Variants in MS4A15 observed in about 807,000 individuals in gnomAD.
MS4A15 encodes membrane-spanning 4-domains subfamily A member 15.
Under a neutral mutation model 20.6 loss-of-function variants are expected in MS4A15, and 22 were observed. The observed-to-expected ratio is 1.07, with a 90% CI of 0.76 to 1.52. MS4A15 has a LOEUF of 1.52. Among genes scored for constraint, MS4A15 ranks in the 40% most tolerant of loss-of-function variants. The pLI, the probability that MS4A15 is intolerant of heterozygous loss-of-function variation, is 0.00. For missense variants in MS4A15, 312 were observed against 323.0 expected (o/e 0.97, Z 0.26); for synonymous variants, 129 against 129.3 (o/e 1.00, Z 0.02).
intron 4 of MS4A15, among the ~76,000 whole-genome samples, chr11:60,772,108 G>A (rs1473710736): frequency 1.3e-5 from 2 of 152,130 alleles, no homozygotes; most frequent in African/African-American, 2.4e-5. Context: ...TGGAGTCCCT[G>A]AGCAGGTATC....
At chr11:60,759,127 G>A (rs1853664648) in intron 1 of MS4A15, among the ~76,000 whole-genome samples, 2 of 152,226 alleles carry the variant, frequency 1.3e-5, no homozygotes, top group Non-Finnish European at 2.9e-5. Context: ...AAGAAAGAGA[G>A]ATCAGACTGT....
In MS4A15 at chr11:60,776,016, G is replaced by A. The variant is rs1044747672; in HGVS notation, c.*301G>A. 3.7e-5 allele frequency: 9 copies of A among 241,344 alleles called. No homozygotes were observed. Among genetic ancestry groups the A allele is most frequent in the Non-Finnish European group, 6.5e-5 (8 of 123,722 alleles). 15.0% of individuals were successfully genotyped at this position (241,344 alleles called of 1,614,324 possible). ...CATCTAAGCATTTCTCTGCTCATTG[G>A]GGAAATCCTGGCCTCATTGGAGACT... On this transcript the variant is annotated 3_prime_UTR_variant, in exon 7 of 7. Coordinates refer to ENST00000405633, the MANE Select transcript of MS4A15 (RefSeq NM_001098835.2).
intron 4 of MS4A15, chr11:60,771,814 G>A: frequency 8.4e-7 from 1 of 1,190,390 alleles, no homozygotes; most frequent in Non-Finnish European, 1.1e-6. Context: ...CCATGATGGG[G>A]CTGGATTGTG....
At chr11:60,772,839 A>C (rs539421322) in intron 4 of MS4A15, among the ~76,000 whole-genome samples, 1 of 152,110 alleles carries the variant, frequency 6.6e-6, no homozygotes, top group South Asian at 2.1e-4. Flanking sequence ...CTCTCAGCCC[A>C]CCCAGACTTC....
chr11:60,776,644 G>C lies in MS4A15; in HGVS notation c.*929G>C, dbSNP rs1195262956. ...CGTCTCCAGGGGACAAGGAGACACT[G>C]TCAGCCTGGTGTTCACCAGGCCTGG... On this transcript the variant is annotated 3_prime_UTR_variant, in exon 7 of 7. Transcript: ENST00000405633. 1.3e-5 allele frequency: 2 copies of C among 152,272 alleles called. No individual in the cohort carries two copies. Among genetic ancestry groups the C allele is most frequent in the African/African-American group, 4.8e-5 (2 of 41,464 alleles). 9.4% of individuals were successfully genotyped at this position (152,272 alleles called of 1,614,324 possible).
Position 60,767,533 on chromosome 11 carries a change from A to G in MS4A15, c.226A>G (p.Thr76Ala), listed in dbSNP as rs1482692768. 1 of 1,521,122 alleles carries G rather than the reference A, an allele frequency of 6.6e-7. No homozygotes were observed. Among genetic ancestry groups the G allele is most frequent in the Non-Finnish European group, 8.9e-7 (1 of 1,129,288 alleles). The allele number at this position is 1,521,122 out of a possible 1,614,324, so 94.2% of individuals were successfully genotyped here. A position where few individuals can be genotyped will look rare whatever the true frequency, so the allele number is the denominator to read the frequency against. Residue 76 changes from threonine (T) to alanine (A), a missense_variant and splice_region_variant, in exon 3 of 7, where the codon ACG (threonine) becomes GCG (alanine). Transcript: ENST00000405633. ...CACTGAGCCTCGGGGCTTCCCGCAG[A>G]CGGTGCAGATCCTCATCGGCCTCAT... ...FLTGEPKVLG[T>A]VQILIGLIHL... is the part of the protein sequence containing the mutation.
In MS4A15 at chr11:60,761,964, G is replaced by A. The variant is rs180789855; in HGVS notation, c.-28-1742G>A. On this transcript the variant is annotated intron_variant, in intron 1 of 6. Transcript: ENST00000405633. ...ACCTATGTCATGATCTTAAAATGGC[G>A]TGCAGAATTTTGGCTGCCTGTAAAT... Among the ~76,000 whole-genome samples the A allele has an allele frequency of 3.0e-4, 45 of 152,220 alleles. No individual in the cohort carries two copies. The East Asian group carries it at 6.4e-3, about 22-fold the overall frequency.
At chr11:60,767,842 C>G (rs1360245210) in intron 3 of MS4A15, among the ~76,000 whole-genome samples, 187 bp downstream of exon 3, 2 of 152,200 alleles carry the variant, frequency 1.3e-5, no homozygotes, top group African/African-American at 2.4e-5. Flanking sequence ...AAACTTGAGC[C>G]TGACCCCACC....
intron 1 of MS4A15, among the ~76,000 whole-genome samples, chr11:60,762,959 T>G (rs1425217746): frequency 6.6e-6 from 1 of 152,144 alleles, no homozygotes; most frequent in Non-Finnish European, 1.5e-5. Context: ...CATAGGTGTC[T>G]CATGACCCTC....
chr11:60,774,062 G>A (rs578105689), intron 6 of MS4A15, 112 bp downstream of exon 6: 1 of 763,934 alleles, frequency 1.3e-6, no homozygotes, highest in East Asian at 2.6e-5. Context: ...TGCACTCTGG[G>A]AAGCAATAAG....
Position 60,767,577 on chromosome 11 carries a change from C to T in MS4A15, c.270C>T (p.Ser90=). The T allele has an allele frequency of 6.4e-7, 1 of 1,554,568 alleles. No individual in the cohort carries two copies. The highest frequency in any genetic ancestry group is 8.7e-7 in the Non-Finnish European group (1 of 1,148,398). The change falls in exon 3 of 7, where the codon AGC becomes AGT. Residue 90 remains serine (S), a synonymous_variant. Coordinates refer to ENST00000405633, the MANE Select transcript of MS4A15 (RefSeq NM_001098835.2). ...LIGLIHLGFG[S]VLLMVRRGHV... The stretch of plus-strand genomic sequence containing the variant: ...GCCTCATCCACCTAGGCTTTGGCAG[C>T]GTGCTGCTCATGGTTCGCCGCGGCC...
intron 6 of MS4A15, 57 bp from the exon 7 acceptor site, chr11:60,775,548 A>C: frequency 6.9e-7 from 1 of 1,441,422 alleles, no homozygotes; most frequent in Non-Finnish European, 9.7e-7. Context: ...GCACTATTGA[A>C]CCACTACCCT....
At chr11:60,768,595 C>T (rs540441445) in intron 3 of MS4A15, among the ~76,000 whole-genome samples, 1 of 152,310 alleles carries the variant, frequency 6.6e-6, no homozygotes, top group African/African-American at 2.4e-5. Context: ...AGCTTCACCG[C>T]ATGTTAAGAT....
intron 1 of MS4A15, among the ~76,000 whole-genome samples, chr11:60,760,060 C>T (rs1853697669): frequency 6.6e-6 from 1 of 152,220 alleles, no homozygotes. Flanking sequence ...CTCTTGTCTC[C>T]ACCTGACGAG....
intron 1 of MS4A15, 103 bp from the exon 2 acceptor site, chr11:60,763,603 C>T (rs549464091): frequency 1.7e-5 from 16 of 936,464 alleles, no homozygotes; most frequent in African/African-American, 1.1e-4. Context: ...TGGGGCCATA[C>T]TGGCAGGGCT....
chr11:60,764,030 T>C (rs973755249), intron 2 of MS4A15, 72 bp downstream of exon 2: 8 of 1,386,352 alleles, frequency 5.8e-6, no homozygotes, highest in Non-Finnish European at 4.9e-6. Flanking sequence ...CATGCATGTT[T>C]TGGAGAGGGG....
In MS4A15 at chr11:60,776,297, G is replaced by A. The variant is rs1854191943; in HGVS notation, c.*582G>A. The A allele has an allele frequency of 6.6e-6, 1 of 152,298 alleles. No individual in the cohort carries two copies. The highest frequency in any genetic ancestry group is 1.5e-5 in the Non-Finnish European group (1 of 68,124). 9.4% of individuals were successfully genotyped at this position (152,298 alleles called of 1,614,324 possible). A position where few individuals can be genotyped will look rare whatever the true frequency, so the allele number is the denominator to read the frequency against. ...TGTTGAACCAGATAAGGTTCATCAGGCCCTTCCAGCTCCCCAGGCTCCCTG... is the reference window on the plus strand; with the variant it reads ...TGTTGAACCAGATAAGGTTCATCAGACCCTTCCAGCTCCCCAGGCTCCCTG... On this transcript the variant is annotated 3_prime_UTR_variant, in exon 7 of 7. Coordinates refer to ENST00000405633, the MANE Select transcript of MS4A15 (RefSeq NM_001098835.2).
intron 1 of MS4A15, among the ~76,000 whole-genome samples, chr11:60,759,309 T>C (rs368833407): frequency 1.3e-5 from 2 of 152,374 alleles, no homozygotes; most frequent in African/African-American, 4.8e-5. Flanking sequence ...GTATGCAGGA[T>C]GTGCCTTGTT....
Position 60,773,489 on chromosome 11 carries a change from G to A in MS4A15, c.498+5G>A, listed in dbSNP as rs761313254. On this transcript the variant is annotated splice_donor_5th_base_variant and intron_variant, in intron 5 of 6. Coordinates refer to ENST00000405633, the MANE Select transcript of MS4A15 (RefSeq NM_001098835.2). ...GATTTTGGTGTTACCAACCGGGTGC[G>A]TTGTCAGATGGCCCTCGGGGTGGGA... 46 of 1,612,850 alleles carry A rather than the reference G, an allele frequency of 2.9e-5. No individual in the cohort carries two copies. Among genetic ancestry groups the A allele is most frequent in the Admixed American group, 1.2e-4 (7 of 59,992 alleles).
Sources: gnomAD v4.1 joint callset for allele counts (sites outside exome capture counted in the v4.1 genomes callset) on GRCh38, gnomAD v4.1.1 for gene constraint, MANE v1.5 for transcripts, NCBI Gene and HGNC (gene_info 2026-07-23, HGNC 2026-07-21) for gene names.